SHROOM3: variants seen among roughly 807,000 people sequenced by gnomAD.
SHROOM3 encodes the protein shroom family member 3.
SHROOM3 carries 47 observed loss-of-function variants against 138.6 expected under a neutral mutation model. The observed-to-expected ratio is 0.34, with a 90% CI of 0.27 to 0.43. SHROOM3 has a LOEUF of 0.43. Among genes scored for constraint, SHROOM3 ranks in the 20% least tolerant of loss-of-function variants. SHROOM3 has a pLI of 1.00. For synonymous variants in SHROOM3, 1,062 were observed against 1,063.3 expected (o/e 1.00, Z 0.02); for missense variants, 2,491 against 2,596.5 (o/e 0.96, Z 0.88).
chr4:76,460,834 A>C (rs1034770179), intron 1 of SHROOM3, among the ~76,000 whole-genome samples: 1 of 147,224 alleles, frequency 6.8e-6, no homozygotes, highest in Non-Finnish European at 1.5e-5. Flanking sequence ...CTACAAAAAA[A>C]AAAAAAAAAA....
intron 1 of SHROOM3, among the ~76,000 whole-genome samples, chr4:76,494,671 T>C (rs1174163446): frequency 6.6e-6 from 1 of 152,192 alleles, no homozygotes; most frequent in African/African-American, 2.4e-5. Flanking sequence ...CCTCCAAATA[T>C]TGGCACTTGA....
chr4:76,705,756 A>C (rs2110115199), intron 2 of SHROOM3, among the ~76,000 whole-genome samples: 1 of 152,370 alleles, frequency 6.6e-6, no homozygotes. Flanking sequence ...TAATATTGAG[A>C]TATAGATACT....
intron 2 of SHROOM3, among the ~76,000 whole-genome samples, chr4:76,565,160 C>CAAA (rs1166896258): frequency 2.2e-5 from 3 of 135,930 alleles, no homozygotes; most frequent in Non-Finnish European, 4.7e-5. Context: ...GACTCCATTT[C>CAAA]AAAAAAAAAA....
At chr4:76,644,855 C>T (rs987424663) in intron 2 of SHROOM3, among the ~76,000 whole-genome samples, 5 of 152,076 alleles carry the variant, frequency 3.3e-5, no homozygotes, top group Non-Finnish European at 7.3e-5. Flanking sequence ...GTGTCTTGGA[C>T]AGGACTTAAG....
At chr4:76,623,133 C>A (rs980204806) in intron 2 of SHROOM3, among the ~76,000 whole-genome samples, 5 of 152,204 alleles carry the variant, frequency 3.3e-5, no homozygotes, top group Non-Finnish European at 5.9e-5. Flanking sequence ...ACTCCTCTTT[C>A]AAGTTTGGGA....
At chr4:76,757,203 T>TA (rs1721848127) in intron 8 of SHROOM3, 2 of 441,026 alleles carry the variant, frequency 4.5e-6, no homozygotes, top group Non-Finnish European at 8.2e-6. Flanking sequence ...TGTATTAATT[T>TA]ATTTATATCA....
At chr4:76,460,724 C>G (rs1315614554) in intron 1 of SHROOM3, among the ~76,000 whole-genome samples, 1 of 151,260 alleles carries the variant, frequency 6.6e-6, no homozygotes, top group Non-Finnish European at 1.5e-5. Flanking sequence ...CTAGTGGTAG[C>G]TCACACCTGT....
At chr4:76,660,960 G>C (rs903947268) in intron 2 of SHROOM3, among the ~76,000 whole-genome samples, 1 of 151,622 alleles carries the variant, frequency 6.6e-6, no homozygotes, top group African/African-American at 2.4e-5. Flanking sequence ...CCACCATGCC[G>C]GCTTAATTTT....
chr4:76,529,025 ATGTTCAC>A (rs1471093143), intron 1 of SHROOM3, among the ~76,000 whole-genome samples: 1 of 152,156 alleles, frequency 6.6e-6, no homozygotes, highest in African/African-American at 2.4e-5. Flanking sequence ...TCTGCCGCTG[ATGTTCAC>A]AGTCTAAACT....
chr4:76,605,222 A>C (rs1046316412), intron 2 of SHROOM3, among the ~76,000 whole-genome samples: 1 of 152,218 alleles, frequency 6.6e-6, no homozygotes, highest in African/African-American at 2.4e-5. Flanking sequence ...CAGTGGAGTC[A>C]TGGCCATGAC....
intron 2 of SHROOM3, among the ~76,000 whole-genome samples, chr4:76,611,144 G>A (rs1467102813): frequency 6.6e-6 from 1 of 152,024 alleles, no homozygotes; most frequent in Non-Finnish European, 1.5e-5. Context: ...ACATTGTTGT[G>A]CAACCATCAC....
chr4:76,734,758 G>T (rs1720984509), intron 4 of SHROOM3, among the ~76,000 whole-genome samples: 1 of 152,112 alleles, frequency 6.6e-6, no homozygotes, highest in South Asian at 2.1e-4. Flanking sequence ...GAATTAAAAA[G>T]CATTTTATGT....
At chr4:76,673,734 C>T (rs1447689481) in intron 2 of SHROOM3, among the ~76,000 whole-genome samples, 4 of 152,174 alleles carry the variant, frequency 2.6e-5, no homozygotes, top group African/African-American at 7.2e-5. Context: ...CACTTATAAG[C>T]GTGCAATTCA....
intron 2 of SHROOM3, chr4:76,689,597 G>A (rs1318155172): frequency 3.0e-6 from 3 of 985,058 alleles, no homozygotes; most frequent in Non-Finnish European, 3.6e-6. Context: ...GGCCCCGCCG[G>A]CGATGCCGCG....
chr4:76,740,099 G>A lies in SHROOM3; in HGVS notation c.1926G>A (p.Leu642=), dbSNP rs1721195833. The change falls in exon 5 of 11, where the codon CTG becomes CTA. Residue 642 remains leucine (L), a synonymous_variant. Transcript: ENST00000296043. This position sits in a 1 kb window ranked among gnomAD's most constrained non-coding sequence, Gnocchi z 4.0. ...ACAATGCCAACCTCTGGAGGAGGCT[G>A]GAGAGAGAAGGCCTAGGCCAGAGCC... is the stretch of plus-strand genomic sequence containing the variant. ...EDHNANLWRR[L]EREGLGQSLS... is the part of the protein sequence containing the mutation. The A allele has an allele frequency of 6.2e-7, 1 of 1,613,646 alleles. No homozygotes were observed. Among genetic ancestry groups the A allele is most frequent in the South Asian group, 1.1e-5 (1 of 91,094 alleles).
chr4:76,461,534 T>G (rs1241433872), intron 1 of SHROOM3, among the ~76,000 whole-genome samples: 1 of 152,226 alleles, frequency 6.6e-6, no homozygotes, highest in African/African-American at 2.4e-5. Flanking sequence ...TATTTACTAC[T>G]ACCTGCTTAC....
At chr4:76,697,228 C>T (rs971584571) in intron 2 of SHROOM3, among the ~76,000 whole-genome samples, 6 of 151,936 alleles carry the variant, frequency 3.9e-5, no homozygotes, top group Non-Finnish European at 8.8e-5. Context: ...TACTCTGCCC[C>T]GAGAGTTTGT....
At position 76,741,082 on chromosome 4, in the gene SHROOM3, G is replaced by A; in HGVS notation, c.2909G>A (p.Ser970Asn). The A allele has an allele frequency of 6.5e-7, 1 of 1,539,422 alleles. No individual in the cohort carries two copies. The highest frequency in any genetic ancestry group is 8.7e-7 in the Non-Finnish European group (1 of 1,142,972). ...TCCTCGGCCCACGTGGGGCTGCGGA[G>A]CCCCGAGGCGTCGGCCTCCGCCTCC... ...RPSSAHVGLR[S>N]PEASASASPH... The change falls in exon 5 of 11, where the codon AGC becomes AAC. Residue 970 changes from serine to asparagine, a missense_variant. Physicochemically the swap from Ser to Asn is conservative, Grantham distance 46. This residue lies in a region of SHROOM3 where 1,733 missense variants were observed against 1,661.6 expected (regional missense o/e 1.04). Coordinates refer to ENST00000296043, the MANE Select transcript of SHROOM3 (RefSeq NM_020859.4). The surrounding 1 kb of genome is among the most constrained non-coding windows in gnomAD (Gnocchi z 6.2).
chr4:76,580,812 G>A (rs1734036866), intron 2 of SHROOM3, among the ~76,000 whole-genome samples: 2 of 152,210 alleles, frequency 1.3e-5, no homozygotes, highest in Admixed American at 1.3e-4. Flanking sequence ...TAGTGGAGTG[G>A]TTGAGAGAGT....
Sources: allele counts gnomAD v4.1 joint callset (sites outside exome capture counted in the v4.1 genomes callset), GRCh38; gene constraint gnomAD v4.1.1; regional missense constraint gnomAD v4.1.1; non-coding constraint Gnocchi (gnomAD v3.1); transcripts MANE v1.5; gene names NCBI Gene and HGNC (gene_info 2026-07-23, HGNC 2026-07-21).